ERMP1: variants seen among roughly 807,000 people sequenced by gnomAD.
ERMP1 encodes the protein endoplasmic reticulum metallopeptidase 1.
In ERMP1, 86 loss-of-function variants were observed where a neutral mutation model predicts 92.0. The observed-to-expected ratio is 0.93, with a 90% confidence interval of 0.79 to 1.12. The LOEUF is 1.12. Among genes scored for constraint, ERMP1 ranks in the 50% most tolerant of loss-of-function variants. The pLI is 0.00. For synonymous variants in ERMP1, 530 were observed against 412.8 expected (o/e 1.28, Z -3.44); for missense variants, 1,342 against 1,116.3 (o/e 1.20, Z -2.88).
In ERMP1 at chr9:5,832,783, A is replaced by C. The variant is rs1830009053; in HGVS notation, c.245T>G (p.Ile82Ser). Residue 82 changes from isoleucine (I) to serine (S), a missense_variant, in exon 1 of 15, where the codon ATC becomes AGC. Physicochemically the swap from Ile to Ser is moderately radical, Grantham distance 142 (BLOSUM62 -2). Transcript: ENST00000339450. ...RAALGLALYL[I>S]ALRTLVQLSL... is the part of the protein sequence containing the mutation. ...GAGCTGCACCAGCGTCCGCAGCGCG[A>C]TCAGGTAGAGCGCGAGCCCCAGCGC... 7 of 1,500,922 alleles carry C rather than the reference A, an allele frequency of 4.7e-6. No homozygotes were observed. Among genetic ancestry groups the C allele is most frequent in the Non-Finnish European group, 6.2e-6 (7 of 1,133,264 alleles). The allele number at this position is 1,500,922 out of a possible 1,614,324, so 93.0% of individuals were successfully genotyped here.
At chr9:5,814,277 C>A (rs181279792) in intron 4 of ERMP1, among the ~76,000 whole-genome samples, 227 of 152,254 alleles carry the variant, frequency 1.5e-3, no homozygotes, top group African/African-American at 5.2e-3. Flanking sequence ...AAATGCAACA[C>A]GAGCAAGAAA....
intron 3 of ERMP1, 135 bp downstream of exon 3, chr9:5,824,957 T>C: frequency 2.5e-6 from 2 of 812,788 alleles, no homozygotes; most frequent in Non-Finnish European, 3.8e-6. Flanking sequence ...GCTCATAAAG[T>C]ATTTTTCTGC....
intron 6 of ERMP1, among the ~76,000 whole-genome samples, chr9:5,847,874 G>A (rs559624618): frequency 3.7e-4 from 55 of 148,832 alleles, no homozygotes; most frequent in African/African-American, 1.3e-3. Flanking sequence ...CAGCCCGGGC[G>A]ACAGAGCGAG....
At chr9:5,810,970 T>C (rs1288101457) in intron 7 of ERMP1, 141 bp downstream of exon 7, 2 of 567,386 alleles carry the variant, frequency 3.5e-6, no homozygotes, top group Non-Finnish European at 6.1e-6. Context: ...TAATTTAATA[T>C]TTAAAAATTT....
chr9:5,862,820 C>G (rs149884489), intron 5 of ERMP1, among the ~76,000 whole-genome samples: 128 of 152,328 alleles, frequency 8.4e-4, no homozygotes, highest in African/African-American at 3.1e-3. Context: ...TGGGTTGGTT[C>G]TCAGGTCCTA....
intron 5 of ERMP1, among the ~76,000 whole-genome samples, chr9:5,862,196 A>G (rs1443654688): frequency 6.6e-6 from 1 of 151,362 alleles, no homozygotes; most frequent in Non-Finnish European, 1.5e-5. Flanking sequence ...TGCCTGGTTA[A>G]TTTTTAAATT....
intron 6 of ERMP1, among the ~76,000 whole-genome samples, chr9:5,841,483 G>C (rs923093989): frequency 1.3e-5 from 2 of 152,196 alleles, no homozygotes; most frequent in African/African-American, 2.4e-5. Context: ...AAAAGGTATG[G>C]GGTTTCCTTT....
chr9:5,799,720 A>G (rs958396516), intron 11 of ERMP1, among the ~76,000 whole-genome samples: 2 of 152,232 alleles, frequency 1.3e-5, no homozygotes, highest in African/African-American at 4.8e-5. Flanking sequence ...CCAAAATATT[A>G]TCTTGTCCTT....
chr9:5,793,043 T>C (rs1289707267), intron 13 of ERMP1, among the ~76,000 whole-genome samples: 1 of 152,190 alleles, frequency 6.6e-6, no homozygotes, highest in East Asian at 1.9e-4. Context: ...TATGTGGTTA[T>C]GTATACTTAT....
chr9:5,841,224 A>G (rs1830158986), intron 6 of ERMP1, among the ~76,000 whole-genome samples: 1 of 152,232 alleles, frequency 6.6e-6, no homozygotes, highest in Admixed American at 6.5e-5. Flanking sequence ...TAGGTTCTCT[A>G]TTTTTAAAAA....
chr9:5,805,293 C>A, intron 9 of ERMP1, 76 bp from the exon 10 acceptor site: 1 of 1,103,430 alleles, frequency 9.1e-7, no homozygotes, highest in Non-Finnish European at 1.3e-6. Context: ...TACTGGTGTG[C>A]CTTGGTACCC....
At chr9:5,797,572 C>T (rs935426253) in intron 13 of ERMP1, among the ~76,000 whole-genome samples, 6 of 151,360 alleles carry the variant, frequency 4.0e-5, no homozygotes, top group African/African-American at 1.5e-4. Context: ...CACTTGAACC[C>T]AGGAGGCGGA....
chr9:5,813,575 A>G (rs944663459), intron 4 of ERMP1, among the ~76,000 whole-genome samples: 1 of 152,170 alleles, frequency 6.6e-6, no homozygotes, highest in Admixed American at 6.5e-5. Context: ...ATCCAAAATC[A>G]GAAATGCTCC....
At chr9:5,826,835 T>C (rs1023039545) in intron 2 of ERMP1, among the ~76,000 whole-genome samples, 5 of 152,132 alleles carry the variant, frequency 3.3e-5, no homozygotes, top group Non-Finnish European at 7.4e-5. Context: ...AAAGGGAAAT[T>C]GAAAGGTATC....
At chr9:5,794,134 A>G (rs1004578283) in intron 13 of ERMP1, among the ~76,000 whole-genome samples, 1 of 152,154 alleles carries the variant, frequency 6.6e-6, no homozygotes, top group Admixed American at 6.5e-5. Flanking sequence ...CAATTATCAG[A>G]AAAATAGCTG....
chr9:5,790,532 G>A (rs982389635), intron 13 of ERMP1, among the ~76,000 whole-genome samples: 5 of 152,174 alleles, frequency 3.3e-5, no homozygotes, highest in Admixed American at 2.0e-4. Context: ...ATCACATACT[G>A]TATGTTTCCT....
At chr9:5,848,140 T>A (rs908396453) in intron 6 of ERMP1, among the ~76,000 whole-genome samples, 4 of 152,164 alleles carry the variant, frequency 2.6e-5, no homozygotes, top group African/African-American at 9.7e-5. Flanking sequence ...CCACAAGACC[T>A]TTGAACGTAT....
At chr9:5,814,419 C>A (rs1244933928) in intron 4 of ERMP1, among the ~76,000 whole-genome samples, 1 of 152,116 alleles carries the variant, frequency 6.6e-6, no homozygotes, top group Non-Finnish European at 1.5e-5. Context: ...TTTAACTTCA[C>A]AGATTATAAA....
chr9:5,808,344 A>G (rs1397136366), intron 8 of ERMP1, among the ~76,000 whole-genome samples: 1 of 152,258 alleles, frequency 6.6e-6, no homozygotes, highest in Non-Finnish European at 1.5e-5. Context: ...ATACAATTAC[A>G]ATAAAAATAA....
Sources: gnomAD v4.1 joint callset for allele counts (sites outside exome capture counted in the v4.1 genomes callset) on GRCh38, gnomAD v4.1.1 for gene constraint, MANE v1.5 for transcripts, NCBI Gene and HGNC (gene_info 2026-07-23, HGNC 2026-07-21) for gene names.